Variants in GALNT7 observed in about 807,000 individuals in gnomAD.
The protein encoded by GALNT7 is polypeptide N-acetylgalactosaminyltransferase 7.
A neutral mutation model predicts 82.1 loss-of-function variants in GALNT7; 60 were observed. The observed-to-expected ratio is 0.73, with a 90% confidence interval of 0.59 to 0.91. GALNT7 has a LOEUF of 0.91. Ranked by LOEUF, GALNT7 falls within the 40% of genes least tolerant of loss-of-function variation. GALNT7 has a pLI of 0.00. For missense variants in GALNT7, 660 were observed against 804.2 expected (o/e 0.82, Z 2.17); for synonymous variants, 243 against 275.1 (o/e 0.88, Z 1.15).
At chr4:173,201,430 T>G (rs939675633) in intron 1 of GALNT7, among the ~76,000 whole-genome samples, 1 of 152,208 alleles carries the variant, frequency 6.6e-6, no homozygotes, top group African/African-American at 2.4e-5. Context: ...TCTTTGCACC[T>G]TGCTGCCTTA....
chr4:173,308,297 G>A (rs1231358607), intron 8 of GALNT7, among the ~76,000 whole-genome samples: 1 of 152,070 alleles, frequency 6.6e-6, no homozygotes, highest in Non-Finnish European at 1.5e-5. Flanking sequence ...ATCCCATTCT[G>A]ATTAAGATTC....
intron 2 of GALNT7, among the ~76,000 whole-genome samples, chr4:173,255,384 CTT>C (rs940864818): frequency 1.6e-4 from 24 of 152,286 alleles, no homozygotes; most frequent in African/African-American, 5.5e-4. Context: ...TTTCCCCTCT[CTT>C]CATCCCTCTA....
chr4:173,238,532 A>G (rs1188543338), intron 1 of GALNT7, among the ~76,000 whole-genome samples: 1 of 152,184 alleles, frequency 6.6e-6, no homozygotes, highest in African/African-American at 2.4e-5. Context: ...CTGTCTTGTC[A>G]TACGTGCTCT....
At chr4:173,249,952 C>T (rs1275887665) in intron 2 of GALNT7, among the ~76,000 whole-genome samples, 3 of 152,078 alleles carry the variant, frequency 2.0e-5, no homozygotes, top group Non-Finnish European at 2.9e-5. Flanking sequence ...AGGTGCTTTG[C>T]GAAATGACTG....
chr4:173,255,453 A>G (rs1735004107), intron 2 of GALNT7, among the ~76,000 whole-genome samples: 2 of 152,302 alleles, frequency 1.3e-5, no homozygotes, highest in Admixed American at 6.5e-5. Context: ...TTATAAACTC[A>G]CGTTGCATTT....
At chr4:173,187,964 T>C (rs950440950) in intron 1 of GALNT7, among the ~76,000 whole-genome samples, 13 of 152,204 alleles carry the variant, frequency 8.5e-5, no homozygotes, top group Admixed American at 6.5e-5. Context: ...ACTACACTTA[T>C]TTCACTCTGA....
intron 4 of GALNT7, 53 bp downstream of exon 4, chr4:173,295,579 TC>T: frequency 6.5e-7 from 1 of 1,527,704 alleles, no homozygotes; most frequent in South Asian, 1.1e-5. Context: ...GGTAACTAAA[TC>T]ATACACATTT....
intron 1 of GALNT7, among the ~76,000 whole-genome samples, chr4:173,188,232 T>C (rs1365291494): frequency 6.6e-6 from 1 of 152,218 alleles, no homozygotes; most frequent in Non-Finnish European, 1.5e-5. Flanking sequence ...AGAAGTTAAA[T>C]TACCTTGCCC....
chr4:173,183,090 A>G (rs893540433), intron 1 of GALNT7, among the ~76,000 whole-genome samples: 1 of 140,910 alleles, frequency 7.1e-6, no homozygotes, highest in Non-Finnish European at 1.5e-5. Flanking sequence ...ACACACACAC[A>G]CTGCTTTTTC....
intron 10 of GALNT7, 58 bp from the exon 11 acceptor site, chr4:173,318,373 A>C: frequency 7.1e-7 from 1 of 1,401,438 alleles, no homozygotes; most frequent in Non-Finnish European, 9.8e-7. Context: ...TTTCTTTTCA[A>C]ATGCACATCA....
At chr4:173,307,253 G>A (rs2053879994) in intron 8 of GALNT7, among the ~76,000 whole-genome samples, 1 of 152,262 alleles carries the variant, frequency 6.6e-6, no homozygotes, top group African/African-American at 2.4e-5. Flanking sequence ...AGTGGCTGGG[G>A]AGCTGAGGAC....
chr4:173,319,056 G>A (rs564733239), intron 11 of GALNT7, among the ~76,000 whole-genome samples: 19 of 152,032 alleles, frequency 1.2e-4, no homozygotes, highest in Non-Finnish European at 2.6e-4. Context: ...TAAATACAGT[G>A]GGATAAATGT....
intron 1 of GALNT7, among the ~76,000 whole-genome samples, chr4:173,176,031 C>A (rs1485729174): frequency 1.3e-4 from 19 of 151,926 alleles, no homozygotes; most frequent in Admixed American, 1.2e-3. Flanking sequence ...GGAGCTCGCG[C>A]CACTACACTC....
intron 2 of GALNT7, among the ~76,000 whole-genome samples, chr4:173,258,058 G>A (rs1735111190): frequency 6.6e-6 from 1 of 152,066 alleles, no homozygotes; most frequent in Non-Finnish European, 1.5e-5. Flanking sequence ...TATTAAAGGA[G>A]GACAGAGAAA....
Position 173,176,975 on chromosome 4 carries a change from C to G in GALNT7, c.126+8014C>G, listed in dbSNP as rs73870532. Among the ~76,000 whole-genome samples the G allele has an allele frequency of 4.9e-3, 749 of 152,206 alleles. 4 individuals are homozygous for G. Among genetic ancestry groups the G allele is most frequent in the African/African-American group, 0.017 (725 of 41,514 alleles). On this transcript the variant is annotated intron_variant, in intron 1 of 11. Coordinates refer to ENST00000265000, the MANE Select transcript of GALNT7 (RefSeq NM_017423.3). ...AGGAGAAGGACCTAGAAACTGAATA[C>G]AGAGGAAGAGATTATGGAAGTATAA...
At chr4:173,311,828 G>C (rs1737395993) in intron 8 of GALNT7, among the ~76,000 whole-genome samples, 2 of 152,164 alleles carry the variant, frequency 1.3e-5, no homozygotes, top group Non-Finnish European at 2.9e-5. Context: ...GCTTATAACA[G>C]CTTTTTTTAA....
intron 1 of GALNT7, among the ~76,000 whole-genome samples, chr4:173,180,018 A>G (rs1184095021): frequency 1.3e-5 from 2 of 152,186 alleles, no homozygotes; most frequent in Admixed American, 6.5e-5. Flanking sequence ...AACTATCAGT[A>G]TACTTAAGTG....
intron 1 of GALNT7, among the ~76,000 whole-genome samples, chr4:173,180,961 A>G (rs1178707540): frequency 6.6e-6 from 1 of 152,212 alleles, no homozygotes; most frequent in Non-Finnish European, 1.5e-5. Flanking sequence ...TTTGAAAGGA[A>G]GTGTTTAAAC....
chr4:173,172,819 G>C (rs190931502), intron 1 of GALNT7, among the ~76,000 whole-genome samples: 3 of 152,328 alleles, frequency 2.0e-5, no homozygotes, highest in Non-Finnish European at 4.4e-5. Flanking sequence ...ATGACAAGTA[G>C]AATGATGCCA....
Sources: allele counts gnomAD v4.1 joint callset (sites outside exome capture counted in the v4.1 genomes callset), GRCh38; gene constraint gnomAD v4.1.1; transcripts MANE v1.5; gene names NCBI Gene and HGNC (gene_info 2026-07-23, HGNC 2026-07-21).